AKAP12: variants seen among roughly 807,000 people sequenced by gnomAD.
AKAP12 encodes the protein A-kinase anchor protein 12.
In AKAP12, 32 loss-of-function variants were observed where a neutral mutation model predicts 79.9. The observed-to-expected ratio is 0.40, with a 90% CI of 0.30 to 0.54. AKAP12 has a LOEUF of 0.54. AKAP12 is among the 20% of genes least tolerant of loss of function. The pLI is 0.48. For synonymous variants in AKAP12, 808 were observed against 857.0 expected, an observed-to-expected ratio of 0.94 and a Z score of 1.00; for missense variants, 2,074 against 2,177.0, an observed-to-expected ratio of 0.95 and a Z score of 0.94.
At chr6:151,252,307 TGCCTCA>T (rs1452004121) in intron 2 of AKAP12, among the ~76,000 whole-genome samples, 4 of 151,898 alleles carry the variant, frequency 2.6e-5, no homozygotes, top group Admixed American at 6.6e-5. Flanking sequence ...AAGATTCTCA[TGCCTCA>T]GCCTCTCGAG....
intron 3 of AKAP12, chr6:151,341,710 G>A (rs1438512484): frequency 7.9e-7 from 1 of 1,258,472 alleles, no homozygotes; most frequent in Non-Finnish European, 1.0e-6. Context: ...GCACCCAAGC[G>A]GCAGTTCGCC....
chr6:151,348,865 G>C lies in AKAP12; in HGVS notation c.474G>C (p.Glu158Asp). Residue 158 changes from glutamate to aspartate, a missense_variant, in exon 4 of 5, where the codon GAG (glutamate) becomes GAC (aspartate). Glu to Asp is a conservative substitution (Grantham distance 45). Around this residue, in one of 3 missense-constraint regions of AKAP12, gnomAD observed 1,428 missense variants for 1,451.0 expected, o/e 0.98. Coordinates refer to ENST00000402676, the MANE Select transcript of AKAP12 (RefSeq NM_005100.4). ...CTTCTTCAGAAAGCAATTTAGAAGA[G>C]CTAACACAACCCACTGAGTCCCAGG... ...QIPSSESNLE[E>D]LTQPTESQAN... 6.2e-7 allele frequency: 1 copy of C among 1,614,126 alleles called. No individual in the cohort carries two copies. Among genetic ancestry groups the C allele is most frequent in the Non-Finnish European group, 8.5e-7 (1 of 1,180,024 alleles).
chr6:151,274,866 G>T (rs904771714), intron 2 of AKAP12, among the ~76,000 whole-genome samples: 4 of 152,160 alleles, frequency 2.6e-5, no homozygotes, highest in Admixed American at 1.3e-4. Context: ...ACTTTGGGAG[G>T]CCGAGGCAGA....
At chr6:151,312,809 AAAG>A (rs1562733713) in intron 3 of AKAP12, among the ~76,000 whole-genome samples, 2 of 151,238 alleles carry the variant, frequency 1.3e-5, no homozygotes, top group Non-Finnish European at 2.9e-5. Flanking sequence ...AAAAAAAAAA[AAAG>A]AATCATGAGG....
intron 3 of AKAP12, chr6:151,324,087 G>T: frequency 7.1e-6 from 7 of 985,402 alleles, no homozygotes; most frequent in Non-Finnish European, 8.4e-6. Context: ...ACTCCAGAAG[G>T]ATGGTCAGTA....
intron 2 of AKAP12, among the ~76,000 whole-genome samples, chr6:151,302,360 A>G (rs994262890): frequency 1.3e-4 from 20 of 151,968 alleles, no homozygotes; most frequent in African/African-American, 4.3e-4. Flanking sequence ...GGGTCTCTCT[A>G]TGTTGTCCAG....
Position 151,351,557 on chromosome 6 carries a change from C to T in AKAP12, c.3166C>T (p.Leu1056=). 1.2e-6 allele frequency: 2 copies of T among 1,614,174 alleles called. No homozygotes were observed. Among genetic ancestry groups the T allele is most frequent in the Non-Finnish European group, 1.7e-6 (2 of 1,180,052 alleles). The change falls in exon 4 of 5, where the codon CTG becomes TTG. Residue 1056 remains leucine (L), a synonymous_variant. Transcript: ENST00000402676. The surrounding 1 kb of genome is among the most constrained non-coding windows in gnomAD (Gnocchi z 4.4). ...AGAAAAAGTGAAAGAGGAATCCCAG[C>T]TGCCTGGCACCGGTGGGCCAGAAGA... ...VAEKVKEESQ[L]PGTGGPEDVL...
intron 3 of AKAP12, among the ~76,000 whole-genome samples, chr6:151,311,965 C>A (rs1777115380): frequency 1.3e-5 from 2 of 152,208 alleles, no homozygotes; most frequent in African/African-American, 2.4e-5. Flanking sequence ...TACCTGTTTC[C>A]TCTGCAAGAG....
chr6:151,295,695 A>T (rs1239409132), intron 2 of AKAP12, among the ~76,000 whole-genome samples: 2 of 152,336 alleles, frequency 1.3e-5, no homozygotes, highest in Middle Eastern at 3.4e-3. Context: ...CAAGCCAATC[A>T]GGTATTGAAA....
Position 151,349,902 on chromosome 6 carries a change from C to T in AKAP12, c.1511C>T (p.Ser504Leu). Residue 504 changes from serine to leucine, a missense_variant, in exon 4 of 5, where the codon TCA (serine) becomes TTA (leucine). This residue lies in a region of AKAP12 where 1,428 missense variants were observed against 1,451.0 expected (regional missense o/e 0.98). Coordinates refer to ENST00000402676, the MANE Select transcript of AKAP12 (RefSeq NM_005100.4). ...EGVVSEVEML[S>L]SQERMKVQGS... ...GTTGTGAGTGAGGTGGAAATGCTGT[C>T]ATCACAGGAGAGAATGAAGGTGCAG... The T allele has an allele frequency of 6.2e-7, 1 of 1,614,088 alleles. No individual in the cohort carries two copies. The highest frequency in any genetic ancestry group is 8.5e-7 in the Non-Finnish European group (1 of 1,180,032).
intron 3 of AKAP12, among the ~76,000 whole-genome samples, chr6:151,316,699 C>T (rs112044247): frequency 0.01 from 1,559 of 152,258 alleles, 25 homozygotes; most frequent in African/African-American, 0.034. Context: ...GGCGCGATCT[C>T]GGCTCGCTGC....
chr6:151,348,680 T>TTTC, intron 3 of AKAP12, 31 bp from the exon 4 acceptor site: 2 of 355,192 alleles, frequency 5.6e-6, no homozygotes, highest in Non-Finnish European at 5.5e-6. Flanking sequence ...TTTTCTCTTC[T>TTTC]CCCCACCCCC....
Position 151,353,155 on chromosome 6 carries a change from G to A in AKAP12, c.4764G>A (p.Gln1588=), listed in dbSNP as rs772969577. The A allele has an allele frequency of 2.5e-6, 4 of 1,614,210 alleles. No individual in the cohort carries two copies. The highest frequency in any genetic ancestry group is 3.4e-6 in the Non-Finnish European group (4 of 1,180,046). ...TQAHVIKADS[Q]DAGQETEKEG... is the part of the protein sequence containing the mutation. ...CTCACGTGATAAAAGCTGACAGCCA[G>A]GACGCTGGACAGGAAACGGAGAAAG... The change falls in exon 4 of 5, where the codon CAG becomes CAA. Residue 1588 remains glutamine (Q), a synonymous_variant. Coordinates refer to ENST00000402676, the MANE Select transcript of AKAP12 (RefSeq NM_005100.4).
chr6:151,257,436 A>G (rs1797324364), intron 2 of AKAP12, among the ~76,000 whole-genome samples: 2 of 152,126 alleles, frequency 1.3e-5, no homozygotes, highest in Non-Finnish European at 2.9e-5. Context: ...AGCTGGGATT[A>G]CAGTTGTGCA....
At chr6:151,310,445 G>C (rs1398781659) in intron 3 of AKAP12, among the ~76,000 whole-genome samples, 4 of 152,088 alleles carry the variant, frequency 2.6e-5, no homozygotes, top group African/African-American at 9.7e-5. Flanking sequence ...ACCAATTTTA[G>C]ATTTAAAAGT....
intron 3 of AKAP12, 31 bp from the exon 4 acceptor site, chr6:151,348,680 T>TTGGGGGGGCC: frequency 5.6e-6 from 2 of 355,200 alleles, no homozygotes; most frequent in South Asian, 3.0e-5. Flanking sequence ...TTTTCTCTTC[T>TTGGGGGGGCC]CCCCACCCCC....
At chr6:151,338,559 G>A (rs895734443) in intron 3 of AKAP12, among the ~76,000 whole-genome samples, 2 of 151,478 alleles carry the variant, frequency 1.3e-5, no homozygotes, top group Non-Finnish European at 1.5e-5. Context: ...GGGTTTAAGC[G>A]ATTCTCCCAC....
chr6:151,243,287 C>T (rs181938428), intron 2 of AKAP12, among the ~76,000 whole-genome samples: 108 of 152,294 alleles, frequency 7.1e-4, no homozygotes, highest in Non-Finnish European at 6.8e-4. Flanking sequence ...ATTTTTCCCT[C>T]CTTGGATAGA....
At chr6:151,277,021 A>G (rs988225359) in intron 2 of AKAP12, among the ~76,000 whole-genome samples, 1 of 152,216 alleles carries the variant, frequency 6.6e-6, no homozygotes, top group Admixed American at 6.5e-5. Context: ...CATTTAGTTA[A>G]CAAGAAAACA....
Sources: gnomAD v4.1 joint callset for allele counts (sites outside exome capture counted in the v4.1 genomes callset) on GRCh38, gnomAD v4.1.1 for gene constraint, gnomAD v4.1.1 regional missense constraint, Gnocchi (gnomAD v3.1) non-coding constraint, MANE v1.5 for transcripts, NCBI Gene and HGNC (gene_info 2026-07-23, HGNC 2026-07-21) for gene names.